SRGAP3: variants seen among roughly 807,000 people sequenced by gnomAD.
SRGAP3 encodes the protein SLIT-ROBO Rho GTPase activating protein 3.
In SRGAP3, 39 loss-of-function variants were observed where a neutral mutation model predicts 121.1. That is an observed-to-expected ratio of 0.32 (90% confidence interval 0.25 to 0.42). The LOEUF (loss-of-function observed/expected upper bound fraction) is 0.42. Among genes scored for constraint, SRGAP3 ranks in the 10% least tolerant of loss-of-function variants. SRGAP3 has a pLI of 1.00. For missense variants in SRGAP3, 1,213 were observed against 1,470.6 expected, an observed-to-expected ratio of 0.82 and a Z score of 2.86; for synonymous variants, 601 against 570.0, an observed-to-expected ratio of 1.05 and a Z score of -0.77.
intron 3 of SRGAP3, among the ~76,000 whole-genome samples, chr3:9,316,206 A>G (rs1041746904): frequency 7.2e-5 from 11 of 151,740 alleles, no homozygotes; most frequent in Admixed American, 5.9e-4. Flanking sequence ...ACACCACCAC[A>G]CCTGGCTAAT....
intron 10 of SRGAP3, among the ~76,000 whole-genome samples, chr3:9,045,648 G>T (rs1945232541): frequency 6.6e-6 from 1 of 152,148 alleles, no homozygotes; most frequent in African/African-American, 2.4e-5. Flanking sequence ...AGGGCCGCAG[G>T]AAGACAAAGC....
chr3:9,019,787 T>A (rs1943823142), intron 14 of SRGAP3, among the ~76,000 whole-genome samples: 1 of 152,242 alleles, frequency 6.6e-6, no homozygotes, highest in Non-Finnish European at 1.5e-5. Context: ...TTCCCATCTG[T>A]TCTCTTGGCT....
intron 14 of SRGAP3, among the ~76,000 whole-genome samples, chr3:9,019,764 A>G (rs1219313070): frequency 1.3e-5 from 2 of 152,226 alleles, no homozygotes; most frequent in Admixed American, 6.5e-5. Flanking sequence ...ACAGAGCATG[A>G]GCCAGAGTTC....
intron 14 of SRGAP3, among the ~76,000 whole-genome samples, chr3:9,022,409 G>A (rs1437094278): frequency 2.0e-5 from 3 of 152,212 alleles, no homozygotes; most frequent in African/African-American, 7.2e-5. Context: ...ATTTAGTCAC[G>A]AGTTAAACCA....
chr3:9,080,757 T>C (rs569174382), intron 3 of SRGAP3, among the ~76,000 whole-genome samples: 98 of 152,244 alleles, frequency 6.4e-4, no homozygotes, highest in African/African-American at 2.3e-3. Flanking sequence ...GAACTGCGCA[T>C]GTGGGGGATC....
chr3:9,261,194 G>A (rs1954248790), intron 3 of SRGAP3, among the ~76,000 whole-genome samples: 2 of 152,052 alleles, frequency 1.3e-5, no homozygotes, highest in African/African-American at 4.8e-5. Flanking sequence ...CCATCCAAAG[G>A]TCACCAACAT....
At chr3:9,185,267 A>C (rs1951559092) in intron 1 of SRGAP3, among the ~76,000 whole-genome samples, 1 of 152,122 alleles carries the variant, frequency 6.6e-6, no homozygotes, top group South Asian at 2.1e-4. Flanking sequence ...GACACCATGC[A>C]AGGCCTCTTC....
chr3:9,235,971 C>T (rs540995109), intron 1 of SRGAP3: 47 of 156,498 alleles, frequency 3.0e-4, no homozygotes, highest in African/African-American at 8.4e-4. Context: ...CAAATAAATA[C>T]GACTCTCATC....
chr3:8,992,986 A>C lies in SRGAP3; in HGVS notation c.2478T>G (p.Asp826Glu). 6.2e-7 allele frequency: 1 copy of C among 1,614,240 alleles called. No individual in the cohort carries two copies. Among genetic ancestry groups the C allele is most frequent in the Non-Finnish European group, 8.5e-7 (1 of 1,180,050 alleles). Reference sequence around the variant, plus strand: ...GGTCGTTTTTGGAAGAGGCCTTGTCATCCAGCAATGGCCCACTGCTGGCCT... The same window carrying C: ...GGTCGTTTTTGGAAGAGGCCTTGTCCTCCAGCAATGGCCCACTGCTGGCCT... ...DSEASSGPLL[D>E]DKASSKNDLQ... The change falls in exon 20 of 22, where the codon GAT (aspartate) becomes GAG (glutamate). Residue 826 changes from aspartate to glutamate, a missense_variant. By Grantham distance (45) the Asp-to-Glu change is conservative. Around this residue, in one of 2 missense-constraint regions of SRGAP3, gnomAD observed 420 missense variants for 437.7 expected, o/e 0.96. Transcript: ENST00000383836.
intron 19 of SRGAP3, chr3:8,994,050 A>C (rs1942239487): frequency 4.4e-6 from 2 of 453,810 alleles, no homozygotes; most frequent in South Asian, 2.1e-5. Context: ...TCCCCTGGAT[A>C]CTGAGAGCCC....
chr3:9,100,568 T>A (rs923300156), intron 3 of SRGAP3, among the ~76,000 whole-genome samples: 1 of 152,146 alleles, frequency 6.6e-6, no homozygotes, highest in Non-Finnish European at 1.5e-5. Context: ...ACCGATCCCA[T>A]TTGACCAGAA....
intron 18 of SRGAP3, among the ~76,000 whole-genome samples, chr3:9,009,145 T>C (rs1026788509): frequency 5.3e-5 from 8 of 152,108 alleles, no homozygotes; most frequent in Non-Finnish European, 1.2e-4. Flanking sequence ...GAGTTGGGGG[T>C]TCTGTCATTA....
At chr3:9,015,797 C>A in intron 14 of SRGAP3, 66 bp from the exon 15 acceptor site, 1 of 1,599,742 alleles carries the variant, frequency 6.3e-7, no homozygotes, top group Non-Finnish European at 8.5e-7. Context: ...GTGCAGATGG[C>A]CGAAGAGATG....
At chr3:9,112,810 G>C (rs1237159020) in intron 2 of SRGAP3, among the ~76,000 whole-genome samples, 1 of 152,102 alleles carries the variant, frequency 6.6e-6, no homozygotes, top group Admixed American at 6.5e-5. Flanking sequence ...TTTTGCTTCT[G>C]GTCTTTGTCC....
At chr3:9,147,001 G>A (rs1007601348) in intron 1 of SRGAP3, among the ~76,000 whole-genome samples, 23 of 152,130 alleles carry the variant, frequency 1.5e-4, no homozygotes, top group African/African-American at 4.8e-4. Context: ...GAGACGTGTG[G>A]GATGTGAAAT....
At chr3:9,294,217 T>C (rs1334064370) in intron 3 of SRGAP3, among the ~76,000 whole-genome samples, 3 of 152,196 alleles carry the variant, frequency 2.0e-5, no homozygotes, top group African/African-American at 7.2e-5. Flanking sequence ...ATCATGTCCT[T>C]TGCAGGGACA....
intron 1 of SRGAP3, among the ~76,000 whole-genome samples, chr3:9,336,996 T>C (rs1955704615): frequency 6.6e-6 from 1 of 152,046 alleles, no homozygotes; most frequent in South Asian, 2.1e-4. Flanking sequence ...ACTCCCAAGG[T>C]GCTAGGATTA....
chr3:9,244,160 T>G (rs1018960045), intron 1 of SRGAP3, among the ~76,000 whole-genome samples: 3 of 152,242 alleles, frequency 2.0e-5, no homozygotes, highest in Non-Finnish European at 4.4e-5. Flanking sequence ...CAGTTCGTTC[T>G]GGCTCTCGAA....
chr3:9,201,538 C>T (rs879600060), intron 1 of SRGAP3, among the ~76,000 whole-genome samples: 3 of 152,262 alleles, frequency 2.0e-5, no homozygotes, highest in Non-Finnish European at 2.9e-5. Context: ...CCAGCAAAGG[C>T]TTGGCCTTGA....
Sources: gnomAD v4.1 joint callset for allele counts (sites outside exome capture counted in the v4.1 genomes callset) on GRCh38, gnomAD v4.1.1 for gene constraint, gnomAD v4.1.1 regional missense constraint, MANE v1.5 for transcripts, NCBI Gene and HGNC (gene_info 2026-07-23, HGNC 2026-07-21) for gene names.